MOGAT2: variants seen among roughly 807,000 people sequenced by gnomAD.
MOGAT2 encodes the protein 2-acylglycerol O-acyltransferase 2.
A neutral mutation model predicts 31.5 loss-of-function variants in MOGAT2; 27 were observed. That is an observed-to-expected ratio of 0.86 (90% CI 0.63 to 1.18). MOGAT2 has a LOEUF of 1.18. Ranked by LOEUF, MOGAT2 falls within the 50% of genes most tolerant of loss-of-function variation. MOGAT2 has a pLI of 0.00. For synonymous variants in MOGAT2, 163 were observed against 170.0 expected (o/e 0.96, Z 0.32); for missense variants, 436 against 433.2 (o/e 1.01, Z -0.06).
At chr11:75,725,384 T>A (rs1174485796) in intron 2 of MOGAT2, among the ~76,000 whole-genome samples, 1 of 151,928 alleles carries the variant, frequency 6.6e-6, no homozygotes, top group Non-Finnish European at 1.5e-5. Flanking sequence ...CTGTCTCTAC[T>A]AAAAAATACA....
rs1423333336 is a variant in MOGAT2, at chr11:75,727,550, C to G, written c.386C>G (p.Ser129Cys). ...ANLCTESTGF[S>C]SIFPGIRPHL... Reference sequence around the variant, plus strand: ...CTGTGCACTGAGAGCACAGGCTTCTCTTCGATCTTCCCCGGTATCCGCCCC... The same window carrying G: ...CTGTGCACTGAGAGCACAGGCTTCTGTTCGATCTTCCCCGGTATCCGCCCC... The change falls in exon 3 of 6, where the codon TCT becomes TGT. Residue 129 changes from serine (S) to cysteine (C), a missense_variant. Ser to Cys is a moderately radical substitution (Grantham distance 112). Coordinates refer to ENST00000198801, the MANE Select transcript of MOGAT2 (RefSeq NM_025098.4). 6.2e-7 allele frequency: 1 copy of G among 1,614,114 alleles called. No homozygotes were observed. Among genetic ancestry groups the G allele is most frequent in the Non-Finnish European group, 8.5e-7 (1 of 1,180,048 alleles).
At chr11:75,728,670 A>G (rs1944444374) in intron 4 of MOGAT2, 120 bp from the exon 5 acceptor site, 2 of 813,740 alleles carry the variant, frequency 2.5e-6, no homozygotes, top group African/African-American at 1.7e-5. Flanking sequence ...CCTCCAGCCC[A>G]GGTGGCTGAC....
intron 4 of MOGAT2, 132 bp from the exon 5 acceptor site, chr11:75,728,658 C>A: frequency 1.3e-6 from 1 of 744,072 alleles, no homozygotes. Context: ...CCCAGGCCTC[C>A]ACCTCCAGCC....
Position 75,726,077 on chromosome 11 carries a change from C to G in MOGAT2, c.271-1358C>G, listed in dbSNP as rs147830919. On this transcript the variant is annotated intron_variant, in intron 2 of 5. Coordinates refer to ENST00000198801, the MANE Select transcript of MOGAT2 (RefSeq NM_025098.4). ...TTAACTGCATTTCTTCCCCTTTCAC[C>G]TTCACCCCACTTCACCTAGAAGCTG... Among the ~76,000 whole-genome samples the G allele has an allele frequency of 4.2e-3, 633 of 152,322 alleles. 9 individuals are homozygous for G. Among genetic ancestry groups the G allele is most frequent in the East Asian group, 0.026 (135 of 5,192 alleles).
In MOGAT2 at chr11:75,718,038, C is replaced by T. The variant is rs922001381; in HGVS notation, c.91+59C>T. The T allele has an allele frequency of 4.2e-5, 64 of 1,506,344 alleles. No homozygotes were observed. In the African/African-American group the frequency reaches 7.7e-4, roughly 18 times the overall value. The allele number at this position is 1,506,344 out of a possible 1,614,324, so 93.3% of individuals were successfully genotyped here. On this transcript the variant is annotated intron_variant, in intron 1 of 5. Coordinates refer to ENST00000198801, the MANE Select transcript of MOGAT2 (RefSeq NM_025098.4). ...CCGCACTCAGGTGGGGCAGAGCAGC[C>T]ACACCAGGTGCACACAGCACATTGA... is the stretch of plus-strand genomic sequence containing the variant.
chr11:75,728,901 G>A lies in MOGAT2; in HGVS notation c.762G>A (p.Met254Ile). The A allele has an allele frequency of 6.2e-7, 1 of 1,614,162 alleles. No homozygotes were observed. Among genetic ancestry groups the A allele is most frequent in the East Asian group, 2.2e-5 (1 of 44,880 alleles). The change falls in exon 5 of 6, where the codon ATG becomes ATA. Residue 254 changes from methionine to isoleucine, a missense_variant. Physicochemically the swap from Met to Ile is conservative, Grantham distance 10. Coordinates refer to ENST00000198801, the MANE Select transcript of MOGAT2 (RefSeq NM_025098.4). ...RYIQNRLQKI[M>I]GISLPLFHGR... ...TCCAGAATCGGTTGCAGAAGATCAT[G>A]GGCATCTCCCTCCCACTCTTTCATG...
At position 75,728,028 on chromosome 11, in the gene MOGAT2, A is replaced by G. The variant is rs756229320; in HGVS notation, c.534A>G (p.Gly178=). Residue 178 remains glycine, a synonymous_variant, in exon 4 of 6, where the codon GGA becomes GGG. Transcript: ENST00000198801. The stretch of plus-strand genomic sequence containing the variant: ...ACATTCTGAACAGGAAGGGTGGCGG[A>G]AACTTGCTGGGCATCATTGTAGGGG... ...AAHILNRKGG[G]NLLGIIVGGA... 1 of 1,613,862 alleles carries G rather than the reference A, an allele frequency of 6.2e-7. No individual in the cohort carries two copies.
At chr11:75,729,415 C>T (rs1277803206) in intron 5 of MOGAT2, among the ~76,000 whole-genome samples, 1 of 152,152 alleles carries the variant, frequency 6.6e-6, no homozygotes, top group African/African-American at 2.4e-5. Flanking sequence ...GCTGGGACTA[C>T]AGTCGCTCGC....
intron 4 of MOGAT2, chr11:75,728,504 T>G (rs1441234289): frequency 1.8e-6 from 1 of 553,754 alleles, no homozygotes; most frequent in Non-Finnish European, 3.2e-6. Flanking sequence ...GATATTTTTC[T>G]AGGAAAAACA....
intron 1 of MOGAT2, chr11:75,719,575 G>A (rs925086354): frequency 1.2e-5 from 2 of 162,952 alleles, no homozygotes; most frequent in African/African-American, 4.8e-5. Context: ...AAGAGAGCAG[G>A]AAAGGGTCTC....
chr11:75,723,459 C>T (rs368191302), intron 2 of MOGAT2, among the ~76,000 whole-genome samples: 4 of 150,070 alleles, frequency 2.7e-5, no homozygotes, highest in East Asian at 4.0e-4. Context: ...CCCTCCCACA[C>T]GCCTTTACTG....
intron 2 of MOGAT2, among the ~76,000 whole-genome samples, chr11:75,721,261 CA>C (rs1944374485): frequency 1.3e-5 from 2 of 152,024 alleles, no homozygotes; most frequent in African/African-American, 4.8e-5. Flanking sequence ...TTCAATGAGA[CA>C]AAGCAAGTAA....
chr11:75,726,288 C>T (rs1018943131), intron 2 of MOGAT2, among the ~76,000 whole-genome samples: 6 of 152,186 alleles, frequency 3.9e-5, no homozygotes, highest in Admixed American at 1.3e-4. Flanking sequence ...ATCATGCATA[C>T]GGGTAAACAG....
chr11:75,722,269 C>T (rs1944382590), intron 2 of MOGAT2, among the ~76,000 whole-genome samples: 1 of 151,802 alleles, frequency 6.6e-6, no homozygotes, highest in Non-Finnish European at 1.5e-5. Context: ...GATTCACCTC[C>T]CTTTCCTGCC....
chr11:75,724,827 A>G (rs990572713), intron 2 of MOGAT2, among the ~76,000 whole-genome samples: 3 of 151,962 alleles, frequency 2.0e-5, no homozygotes, highest in African/African-American at 4.8e-5. Flanking sequence ...CAGTTGCAAC[A>G]CTCTCCACAC....
rs564425619 is a variant in MOGAT2, at chr11:75,723,975, C to T, written c.271-3460C>T. Among the ~76,000 whole-genome samples, 28 of 152,250 alleles carry T rather than the reference C, an allele frequency of 1.8e-4. No individual in the cohort carries two copies. The South Asian group carries it at 5.8e-3, about 32-fold the overall frequency. Reference sequence around the variant, plus strand: ...CAGCACTTCACAAACCTCCCCTCTTCTTTGTTTACCCCCCTTGAACCCTGT... The same window carrying T: ...CAGCACTTCACAAACCTCCCCTCTTTTTTGTTTACCCCCCTTGAACCCTGT... On this transcript the variant is annotated intron_variant, in intron 2 of 5. Transcript: ENST00000198801.
chr11:75,722,668 G>A lies in MOGAT2; in HGVS notation c.270+2498G>A, dbSNP rs191537091. Among the ~76,000 whole-genome samples the A allele has an allele frequency of 9.7e-4, 148 of 152,318 alleles. 1 individual carries two copies. The highest frequency in any genetic ancestry group is 5.9e-4 in the Non-Finnish European group (40 of 68,024). ...GGTGGAGGCCATTGGAGGACATTCC[G>A]CAGGACTGGGACTGCTCACCTGAAA... On this transcript the variant is annotated intron_variant, in intron 2 of 5. Transcript: ENST00000198801.
intron 2 of MOGAT2, among the ~76,000 whole-genome samples, chr11:75,726,582 T>C (rs1944423192): frequency 6.6e-6 from 1 of 151,872 alleles, no homozygotes. Context: ...GGAATACTGA[T>C]AAAGGAAAAA....
intron 1 of MOGAT2, among the ~76,000 whole-genome samples, chr11:75,718,194 C>A (rs1590836029): frequency 6.6e-6 from 1 of 152,196 alleles, no homozygotes; most frequent in Admixed American, 6.5e-5. Flanking sequence ...CTGCTCTGGG[C>A]AGGTTACTTA....
Sources: gnomAD v4.1 joint callset for allele counts (sites outside exome capture counted in the v4.1 genomes callset) on GRCh38, gnomAD v4.1.1 for gene constraint, MANE v1.5 for transcripts, NCBI Gene and HGNC (gene_info 2026-07-23, HGNC 2026-07-21) for gene names.